The following LYPLAL1 variants were observed in gnomAD, a reference collection of about 807,000 sequenced individuals.
LYPLAL1 encodes the protein lysophospholipase-like protein 1.
A neutral mutation model predicts 19.7 loss-of-function variants in LYPLAL1; 23 were observed. The observed-to-expected ratio is 1.17, with a 90% CI of 0.84 to 1.65. The LOEUF (loss-of-function observed/expected upper bound fraction) is 1.65. LYPLAL1 is among the 40% of genes most tolerant of loss of function. The pLI is 0.00. For missense variants in LYPLAL1, 355 were observed against 279.4 expected, an observed-to-expected ratio of 1.27 and a Z score of -1.93; for synonymous variants, 119 against 96.3, an observed-to-expected ratio of 1.24 and a Z score of -1.38.
the LYPLAL1 span, among the ~76,000 whole-genome samples, chr1:219,433,034 C>A: frequency 6.6e-6 from 1 of 152,282 alleles, no homozygotes; most frequent in East Asian, 1.9e-4. Flanking sequence ...CTCACTTGCA[C>A]CCCAGATGCA....
chr1:219,306,311 T>A, the LYPLAL1 span, among the ~76,000 whole-genome samples: 27 of 152,300 alleles, frequency 1.8e-4, no homozygotes, highest in South Asian at 5.0e-3. Flanking sequence ...ATGGTTAATT[T>A]TGTGTCAATA....
the LYPLAL1 span, among the ~76,000 whole-genome samples, chr1:219,389,550 T>A: frequency 1.3e-5 from 2 of 152,218 alleles, no homozygotes; most frequent in African/African-American, 4.8e-5. Context: ...TTTACTCTTG[T>A]CTTCAGAGAT....
chr1:219,307,388 C>A, the LYPLAL1 span, among the ~76,000 whole-genome samples: 1 of 152,082 alleles, frequency 6.6e-6, no homozygotes, highest in Non-Finnish European at 1.5e-5. Flanking sequence ...AACCCAAGTC[C>A]CTGCATCAAC....
the LYPLAL1 span, among the ~76,000 whole-genome samples, chr1:219,340,582 A>T: frequency 6.6e-6 from 1 of 152,014 alleles, no homozygotes; most frequent in African/African-American, 2.4e-5. Context: ...TATACTTTTG[A>T]CAGTTAGAAT....
the LYPLAL1 span, among the ~76,000 whole-genome samples, chr1:219,355,075 T>A: frequency 1.3e-5 from 2 of 152,196 alleles, no homozygotes; most frequent in Non-Finnish European, 2.9e-5. Context: ...AGATGCATAC[T>A]GTGAGCCATA....
the LYPLAL1 span, among the ~76,000 whole-genome samples, chr1:219,257,353 G>GTTTTTTTTTTTTTTTTTT: frequency 7.5e-6 from 1 of 132,580 alleles, no homozygotes; most frequent in Non-Finnish European, 1.6e-5. Flanking sequence ...ATCCATACCA[G>GTTTTTTTTTTTTTTTTTT]TTTTTGTTTT....
At chr1:219,275,079 A>G in the LYPLAL1 span, among the ~76,000 whole-genome samples, 1 of 152,234 alleles carries the variant, frequency 6.6e-6, no homozygotes, top group South Asian at 2.1e-4. Context: ...AACATATTCT[A>G]TTCTCCTCTC....
chr1:219,193,144 A>G lies in LYPLAL1; in HGVS notation c.254A>G (p.Asn85Ser), dbSNP rs751333669. The G allele has an allele frequency of 1.9e-5, 30 of 1,610,526 alleles. No individual in the cohort carries two copies. The highest frequency in any genetic ancestry group is 9.9e-5 in the South Asian group (9 of 90,942). The change falls in exon 3 of 5, where the codon AAT becomes AGT. Residue 85 changes from asparagine to serine, a missense_variant. Asn to Ser is a conservative substitution (Grantham distance 46, BLOSUM62 1). Coordinates refer to ENST00000366928, the MANE Select transcript of LYPLAL1 (RefSeq NM_138794.5). ...TGGTTTGACAGATTTAAAATAACCA[A>G]TGACTGCCCAGAACACCTTGAATCA... ...NVWFDRFKIT[N>S]DCPEHLESID...
At chr1:219,342,248 T>A in the LYPLAL1 span, among the ~76,000 whole-genome samples, 1 of 152,246 alleles carries the variant, frequency 6.6e-6, no homozygotes, top group African/African-American at 2.4e-5. Context: ...ACTGACTTTG[T>A]TCTGGGTTAT....
downstream of LYPLAL1, among the ~76,000 whole-genome samples, chr1:219,214,656 A>G (rs1305983698): frequency 1.4e-5 from 2 of 146,908 alleles, no homozygotes; most frequent in Non-Finnish European, 3.0e-5. Flanking sequence ...TCAACGTCAT[A>G]TTACTTTATT....
chr1:219,309,815 C>T, the LYPLAL1 span, among the ~76,000 whole-genome samples: 1 of 152,168 alleles, frequency 6.6e-6, no homozygotes, highest in Non-Finnish European at 1.5e-5. Flanking sequence ...TGGACTAATA[C>T]AATATTCATC....
At chr1:219,405,771 A>G in the LYPLAL1 span, among the ~76,000 whole-genome samples, 1 of 152,234 alleles carries the variant, frequency 6.6e-6, no homozygotes, top group African/African-American at 2.4e-5. Flanking sequence ...GGCAGCATCA[A>G]AGACCTTCCA....
At chr1:219,408,088 G>C in the LYPLAL1 span, among the ~76,000 whole-genome samples, 1 of 151,920 alleles carries the variant, frequency 6.6e-6, no homozygotes, top group Non-Finnish European at 1.5e-5. Flanking sequence ...CAACATGTCA[G>C]GTGTTTACAT....
the LYPLAL1 span, among the ~76,000 whole-genome samples, chr1:219,419,586 C>G: frequency 0.023 from 2,727 of 120,036 alleles, 116 homozygotes; most frequent in African/African-American, 0.092. Flanking sequence ...CACACACACA[C>G]ACACACACAG....
chr1:219,391,785 C>T, the LYPLAL1 span, among the ~76,000 whole-genome samples: 4 of 151,966 alleles, frequency 2.6e-5, no homozygotes, highest in East Asian at 7.7e-4. Context: ...ACTCTTTTTT[C>T]TCAAACCCCT....
At chr1:219,379,310 G>A in the LYPLAL1 span, among the ~76,000 whole-genome samples, 36 of 152,268 alleles carry the variant, frequency 2.4e-4, no homozygotes, top group African/African-American at 8.2e-4. Context: ...CCTTGGGGTC[G>A]AGGAGGGAAA....
At chr1:219,266,062 ATTAAG>A in the LYPLAL1 span, among the ~76,000 whole-genome samples, 1 of 152,154 alleles carries the variant, frequency 6.6e-6, no homozygotes, top group East Asian at 1.9e-4. Context: ...TTTAGGCTAT[ATTAAG>A]TTAATTTAAA....
At chr1:219,180,675 A>G (rs1486501567) in intron 2 of LYPLAL1, among the ~76,000 whole-genome samples, 1 of 152,228 alleles carries the variant, frequency 6.6e-6, no homozygotes, top group African/African-American at 2.4e-5. Flanking sequence ...GGGATGAAAG[A>G]TAAGTTCATT....
the LYPLAL1 span, among the ~76,000 whole-genome samples, chr1:219,261,353 A>G: frequency 1.0e-3 from 154 of 152,240 alleles, no homozygotes; most frequent in African/African-American, 3.5e-3. Flanking sequence ...TCAGTTGGGA[A>G]GGTTTGGGGT....
Sources: gnomAD v4.1 joint callset for allele counts (sites outside exome capture counted in the v4.1 genomes callset) on GRCh38, gnomAD v4.1.1 for gene constraint, MANE v1.5 for transcripts, NCBI Gene and HGNC (gene_info 2026-07-23, HGNC 2026-07-21) for gene names.